The following ZMYM2 variants were observed in gnomAD, a reference collection of about 807,000 sequenced individuals.
ZMYM2 encodes the protein zinc finger MYM-type protein 2.
ZMYM2 carries 56 observed loss-of-function variants against 162.8 expected under a neutral mutation model. The observed-to-expected ratio is 0.34, with a 90% CI of 0.28 to 0.43. The LOEUF (loss-of-function observed/expected upper bound fraction) is 0.43, where lower values mean the gene tolerates loss of function less well. Among genes scored for constraint, ZMYM2 ranks in the 20% least tolerant of loss-of-function variants. ZMYM2 has a pLI of 1.00. For synonymous variants in ZMYM2, 510 were observed against 541.6 expected, an observed-to-expected ratio of 0.94 and a Z score of 0.81; for missense variants, 1,275 against 1,621.8, an observed-to-expected ratio of 0.79 and a Z score of 3.67.
chr13:19,943,596 G>A, the ZMYM2 span, among the ~76,000 whole-genome samples: 17 of 152,274 alleles, frequency 1.1e-4, no homozygotes, highest in Admixed American at 2.6e-4. Flanking sequence ...TGGGCATTTT[G>A]AAGTCTTTTT....
chr13:19,946,877 C>G, the ZMYM2 span, among the ~76,000 whole-genome samples: 1 of 152,130 alleles, frequency 6.6e-6, no homozygotes, highest in African/African-American at 2.4e-5. Context: ...GATGTGGTGT[C>G]TTAAAAGCAT....
chr13:20,010,899 C>G (rs1224794419), intron 6 of ZMYM2, among the ~76,000 whole-genome samples: 4 of 152,146 alleles, frequency 2.6e-5, no homozygotes, highest in African/African-American at 9.7e-5. Context: ...TCGGCCTCCC[C>G]AAGTGCTGGG....
intron 16 of ZMYM2, among the ~76,000 whole-genome samples, 164 bp from the exon 17 acceptor site, chr13:20,060,889 A>G (rs998243005): frequency 2.6e-5 from 4 of 152,206 alleles, no homozygotes; most frequent in Non-Finnish European, 4.4e-5. Context: ...CTTGTATTCT[A>G]GGCTTTCTTA....
chr13:20,057,401 G>A (rs966422481), intron 14 of ZMYM2, among the ~76,000 whole-genome samples: 1 of 152,128 alleles, frequency 6.6e-6, no homozygotes, highest in South Asian at 2.1e-4. Flanking sequence ...GCCTCCCAGA[G>A]TTCTGGGATT....
chr13:19,878,225 G>A, the ZMYM2 span, among the ~76,000 whole-genome samples: 1 of 151,816 alleles, frequency 6.6e-6, no homozygotes, highest in African/African-American at 2.4e-5. Context: ...GCTAATTTTT[G>A]TATTTTTAGT....
At chr13:19,875,835 AAG>A in the ZMYM2 span, among the ~76,000 whole-genome samples, 1 of 151,908 alleles carries the variant, frequency 6.6e-6, no homozygotes, top group Non-Finnish European at 1.5e-5. Context: ...CGGGGAGGAA[AAG>A]AGGGGAAAAG....
the ZMYM2 span, among the ~76,000 whole-genome samples, chr13:19,884,636 C>G: frequency 9.9e-5 from 15 of 152,208 alleles, no homozygotes; most frequent in Admixed American, 4.6e-4. Flanking sequence ...GTGACACGTA[C>G]TTAGTTTGGT....
At chr13:20,034,152 C>G (rs1953455500) in intron 10 of ZMYM2, 102 bp from the exon 11 acceptor site, 44 of 1,095,016 alleles carry the variant, frequency 4.0e-5, no homozygotes, top group Non-Finnish European at 5.3e-5. Flanking sequence ...AGGGTCTTAA[C>G]ATTAAATAGG....
At chr13:19,992,367 C>G (rs977498657) in intron 2 of ZMYM2, among the ~76,000 whole-genome samples, 1 of 152,158 alleles carries the variant, frequency 6.6e-6, no homozygotes, top group Admixed American at 6.5e-5. Context: ...TGAGACCAGC[C>G]AGGGCAACAT....
At chr13:19,986,681 T>A (rs1949170706) in intron 2 of ZMYM2, among the ~76,000 whole-genome samples, 1 of 152,218 alleles carries the variant, frequency 6.6e-6, no homozygotes, top group Non-Finnish European at 1.5e-5. Flanking sequence ...TAAAATTTTT[T>A]AAATACAAGT....
chr13:19,941,536 T>C, the ZMYM2 span, among the ~76,000 whole-genome samples: 1 of 151,986 alleles, frequency 6.6e-6, no homozygotes, highest in Non-Finnish European at 1.5e-5. Context: ...CAGCTAGGTG[T>C]TTTCCTTATT....
the ZMYM2 span, among the ~76,000 whole-genome samples, chr13:19,910,317 A>G: frequency 1.3e-5 from 2 of 152,110 alleles, no homozygotes; most frequent in Non-Finnish European, 2.9e-5. Context: ...TGGGAATTAG[A>G]AAGGGTTCTA....
At chr13:19,935,987 G>C in the ZMYM2 span, among the ~76,000 whole-genome samples, 1 of 152,154 alleles carries the variant, frequency 6.6e-6, no homozygotes, top group South Asian at 2.1e-4. Flanking sequence ...AGTAATCATA[G>C]GAGCGTTTCA....
chr13:19,915,364 G>C, the ZMYM2 span, among the ~76,000 whole-genome samples: 1 of 152,180 alleles, frequency 6.6e-6, no homozygotes, highest in South Asian at 2.1e-4. Flanking sequence ...CAAAGTGCTA[G>C]AATGACAGGC....
At chr13:19,991,291 T>C (rs1470888544) in intron 2 of ZMYM2, among the ~76,000 whole-genome samples, 2 of 151,778 alleles carry the variant, frequency 1.3e-5, no homozygotes, top group African/African-American at 4.8e-5. Flanking sequence ...CTTTTAAATT[T>C]TAGTATTTAG....
At chr13:19,969,302 C>G (rs1249336953) in intron 2 of ZMYM2, among the ~76,000 whole-genome samples, 2 of 152,190 alleles carry the variant, frequency 1.3e-5, no homozygotes, top group Non-Finnish European at 2.9e-5. Context: ...GGCCAGTTCA[C>G]TAGTCTTAGT....
rs1286289198 is a variant in ZMYM2 at position 20,086,745 on chromosome 13, G to GTA, written c.*739_*740dup. The stretch of plus-strand genomic sequence containing the variant: ...ATCAATAAAAAACAAATATATATAT[G>GTA]TATATATATGTATGTATGTGTGTGT... On this transcript the variant is annotated 3_prime_UTR_variant, in exon 25 of 25. Transcript: ENST00000610343. The GTA allele has an allele frequency of 1.5e-5, 2 of 129,062 alleles. No homozygotes were observed. The highest frequency in any genetic ancestry group is 1.6e-5 in the Non-Finnish European group (1 of 63,060). 8.0% of individuals were successfully genotyped at this position (129,062 alleles called of 1,614,324 possible).
At chr13:19,868,350 G>T in the ZMYM2 span, among the ~76,000 whole-genome samples, 1 of 152,174 alleles carries the variant, frequency 6.6e-6, no homozygotes, top group Non-Finnish European at 1.5e-5. Context: ...TAGTCATAGT[G>T]TTTCAACTTC....
the ZMYM2 span, among the ~76,000 whole-genome samples, chr13:19,897,031 C>G: frequency 1.6e-4 from 23 of 148,298 alleles, no homozygotes; most frequent in Non-Finnish European, 3.2e-4. Flanking sequence ...GGAGATCACA[C>G]CATTGCACTC....
Sources: allele counts gnomAD v4.1 joint callset (sites outside exome capture counted in the v4.1 genomes callset), GRCh38; gene constraint gnomAD v4.1.1; transcripts MANE v1.5; gene names NCBI Gene and HGNC (gene_info 2026-07-23, HGNC 2026-07-21).